OXR1: variants seen among roughly 807,000 people sequenced by gnomAD.
OXR1 encodes oxidation resistance 1, also known as oxidation resistance protein 1.
In OXR1, 41 loss-of-function variants were observed where a neutral mutation model predicts 104.6. That is an observed-to-expected ratio of 0.39 (90% CI 0.31 to 0.51). The LOEUF is 0.51. Ranked by LOEUF, OXR1 falls within the 20% of genes least tolerant of loss-of-function variation. OXR1 has a pLI of 0.77. For missense variants in OXR1, 955 were observed against 1,031.9 expected (o/e 0.93, Z 1.02); for synonymous variants, 348 against 348.4 (o/e 1.00, Z 0.01).
intron 7 of OXR1, among the ~76,000 whole-genome samples, chr8:106,693,180 G>T (rs977058927): frequency 2.6e-5 from 4 of 152,110 alleles, no homozygotes; most frequent in Non-Finnish European, 5.9e-5. Context: ...ACTGTGTGGA[G>T]TGTGAACTTC....
At chr8:106,279,542 TA>T (rs980964538) in intron 1 of OXR1, among the ~76,000 whole-genome samples, 1 of 152,194 alleles carries the variant, frequency 6.6e-6, no homozygotes, top group African/African-American at 2.4e-5. Context: ...TATGCACTTT[TA>T]AAAAGTTTTC....
At chr8:106,341,443 ATG>A (rs33939537) in intron 1 of OXR1, among the ~76,000 whole-genome samples, 35,782 of 150,494 alleles carry the variant, frequency 0.24, 6,946 homozygotes, top group African/African-American at 0.54. Context: ...AGACAACTAA[ATG>A]TGATAGAATA....
intron 1 of OXR1, among the ~76,000 whole-genome samples, chr8:106,340,173 G>T (rs1815181900): frequency 6.6e-6 from 1 of 150,858 alleles, no homozygotes; most frequent in South Asian, 2.1e-4. Context: ...ATAGTGATTA[G>T]CAGCAGTCAA....
intron 6 of OXR1, among the ~76,000 whole-genome samples, chr8:106,685,620 A>G (rs1440200714): frequency 6.6e-6 from 1 of 152,040 alleles, no homozygotes; most frequent in Non-Finnish European, 1.5e-5. Flanking sequence ...TGACTTAGCT[A>G]CTGTCAAAGA....
chr8:106,530,710 A>T (rs1435641416), intron 3 of OXR1, among the ~76,000 whole-genome samples: 1 of 152,204 alleles, frequency 6.6e-6, no homozygotes, highest in Non-Finnish European at 1.5e-5. Flanking sequence ...TACATTCCCT[A>T]TATATTATGT....
At chr8:106,685,354 A>G (rs1340916759) in intron 6 of OXR1, among the ~76,000 whole-genome samples, 2 of 152,204 alleles carry the variant, frequency 1.3e-5, no homozygotes, top group Non-Finnish European at 2.9e-5. Context: ...AAGCAGAATG[A>G]TGAAAATCTA....
In OXR1 at chr8:106,752,565, C is replaced by T. The variant is rs529460168; in HGVS notation, c.*1624C>T. 2.6e-5 allele frequency: 4 copies of T among 152,348 alleles called. No individual in the cohort carries two copies. Among genetic ancestry groups the T allele is most frequent in the Non-Finnish European group, 5.9e-5 (4 of 67,908 alleles). The allele number at this position is 152,348 out of a possible 1,614,324, so 9.4% of individuals were successfully genotyped here. A position where few individuals can be genotyped will look rare whatever the true frequency, so the allele number is the denominator to read the frequency against. On this transcript the variant is annotated 3_prime_UTR_variant, in exon 17 of 17. Coordinates refer to ENST00000517566, the MANE Select transcript of OXR1 (RefSeq NM_001198533.2). ...TAAATATATCAGTTTTTTTCCCCTT[C>T]GGTCTTCCACAGCAGTATTATTGTC... is the stretch of plus-strand genomic sequence containing the variant.
chr8:106,719,945 A>G (rs959257741), intron 11 of OXR1, among the ~76,000 whole-genome samples: 1 of 152,092 alleles, frequency 6.6e-6, no homozygotes, highest in Non-Finnish European at 1.5e-5. Context: ...AGCTGGGACT[A>G]CAGGCGCCCG....
At chr8:106,574,844 T>G (rs183744622) in intron 3 of OXR1, among the ~76,000 whole-genome samples, 2 of 152,348 alleles carry the variant, frequency 1.3e-5, no homozygotes, top group Non-Finnish European at 2.9e-5. Flanking sequence ...TCTTTACTTC[T>G]GATGTTTTTG....
chr8:106,723,619 C>T (rs1323764167), intron 11 of OXR1, among the ~76,000 whole-genome samples: 1 of 151,942 alleles, frequency 6.6e-6, no homozygotes, highest in Non-Finnish European at 1.5e-5. Flanking sequence ...TTACAGTGAG[C>T]AGAGATCATG....
chr8:106,275,438 A>T (rs1398780287), intron 1 of OXR1, among the ~76,000 whole-genome samples: 2 of 152,212 alleles, frequency 1.3e-5, no homozygotes, highest in Non-Finnish European at 2.9e-5. Flanking sequence ...GCAGAATTTC[A>T]AATCAGTTTT....
At chr8:106,329,376 C>T (rs1254348576) in intron 1 of OXR1, among the ~76,000 whole-genome samples, 9 of 146,014 alleles carry the variant, frequency 6.2e-5, no homozygotes, top group African/African-American at 2.3e-4. Context: ...GAGACGGAGT[C>T]TGTCTCTGTC....
intron 3 of OXR1, among the ~76,000 whole-genome samples, chr8:106,595,623 A>T (rs1240702215): frequency 1.3e-5 from 2 of 152,078 alleles, no homozygotes; most frequent in Non-Finnish European, 2.9e-5. Context: ...TGGGGGGAAA[A>T]TAGGAAGAAA....
At chr8:106,420,757 TGTTA>T (rs1158979954) in intron 2 of OXR1, among the ~76,000 whole-genome samples, 1 of 151,954 alleles carries the variant, frequency 6.6e-6, no homozygotes, top group Non-Finnish European at 1.5e-5. Context: ...TGTGTGTGTG[TGTTA>T]GTTACTAGCC....
At chr8:106,495,925 A>T (rs1344873458) in intron 2 of OXR1, among the ~76,000 whole-genome samples, 1 of 152,234 alleles carries the variant, frequency 6.6e-6, no homozygotes, top group African/African-American at 2.4e-5. Flanking sequence ...TAACTATAAA[A>T]TTATATAAAA....
chr8:106,434,766 A>G (rs181073799), intron 2 of OXR1, among the ~76,000 whole-genome samples: 111 of 152,344 alleles, frequency 7.3e-4, no homozygotes, highest in Admixed American at 4.8e-3. Flanking sequence ...GGATTCAGAA[A>G]ATACAATCCA....
intron 1 of OXR1, among the ~76,000 whole-genome samples, chr8:106,349,138 GA>G (rs1433298748): frequency 6.6e-6 from 1 of 152,006 alleles, no homozygotes; most frequent in Non-Finnish European, 1.5e-5. Context: ...AAACACTGAA[GA>G]TTTTTTAATT....
chr8:106,573,917 A>G (rs1817650124), intron 3 of OXR1, among the ~76,000 whole-genome samples: 1 of 51,254 alleles, frequency 2.0e-5, no homozygotes. Flanking sequence ...TTTTAATTCA[A>G]AAAAAAAAAG....
At chr8:106,672,650 C>G (rs757356599) in intron 3 of OXR1, among the ~76,000 whole-genome samples, 8 of 152,014 alleles carry the variant, frequency 5.3e-5, no homozygotes, top group Non-Finnish European at 8.8e-5. Context: ...GCTTTGTGTC[C>G]CCACTCAAAT....
Sources: allele counts gnomAD v4.1 joint callset (sites outside exome capture counted in the v4.1 genomes callset), GRCh38; gene constraint gnomAD v4.1.1; transcripts MANE v1.5; gene names NCBI Gene and HGNC (gene_info 2026-07-23, HGNC 2026-07-21).